Variants in ABHD4 observed in about 807,000 individuals in gnomAD.
ABHD4 encodes (Lyso)-N-acylphosphatidylethanolamine lipase.
Under a neutral mutation model 42.3 loss-of-function variants are expected in ABHD4, and 35 were observed. The observed-to-expected ratio is 0.83, with a 90% confidence interval of 0.63 to 1.10. ABHD4 has a LOEUF of 1.10. Ranked by LOEUF, ABHD4 falls within the 50% of genes least tolerant of loss-of-function variation. The pLI is 0.00. For missense variants in ABHD4, 389 were observed against 454.8 expected, an observed-to-expected ratio of 0.86 and a Z score of 1.32; for synonymous variants, 169 against 170.6, an observed-to-expected ratio of 0.99 and a Z score of 0.07.
At position 22,598,326 on chromosome 14, in the gene ABHD4, A is replaced by T; in HGVS notation, c.20A>T (p.Gln7Leu). MADDLEQQSQGWLSSWL... is the reference protein window; with the variant it reads MADDLELQSQGWLSSWL... ...TTTACTATGGCCGATGATCTGGAGC[A>T]GCAGTGAGTTAATCCTGTCCCTTTC... The change falls in exon 1 of 7, where the codon CAG becomes CTG. Residue 7 changes from glutamine (Q) to leucine (L), a missense_variant. Transcript: ENST00000428304. The T allele has an allele frequency of 6.4e-7, 1 of 1,551,756 alleles. No homozygotes were observed. Among genetic ancestry groups the T allele is most frequent in the Non-Finnish European group, 8.7e-7 (1 of 1,146,984 alleles).
At chr14:22,601,855 T>G in intron 2 of ABHD4, 100 bp downstream of exon 2, 1 of 1,016,758 alleles carries the variant, frequency 9.8e-7, no homozygotes, top group Non-Finnish European at 1.5e-6. Flanking sequence ...GATTCCTAAT[T>G]AACAGTGTGT....
intron 6 of ABHD4, among the ~76,000 whole-genome samples, chr14:22,610,510 C>T (rs1159671279): frequency 1.3e-5 from 2 of 152,204 alleles, no homozygotes; most frequent in African/African-American, 2.4e-5. Flanking sequence ...ACCACACCTC[C>T]TCCCCTTTTT....
Position 22,603,997 on chromosome 14 carries a change from A to T in ABHD4, c.558A>T (p.Ala186=). The change falls in exon 4 of 7, where the codon GCA becomes GCT. Residue 186 remains alanine, a synonymous_variant. Coordinates refer to ENST00000428304, the MANE Select transcript of ABHD4 (RefSeq NM_022060.3). The part of the protein sequence containing the change: ...LRPTNPSEIR[A]PPAWVKAVAS... The stretch of plus-strand genomic sequence containing the variant: ...CAACTAACCCCAGTGAGATCCGTGC[A>T]CCCCCAGCCTGGGTCAAAGCCGTGG... 6.2e-7 allele frequency: 1 copy of T among 1,614,050 alleles called. No homozygotes were observed. Among genetic ancestry groups the T allele is most frequent in the South Asian group, 1.1e-5 (1 of 91,082 alleles).
chr14:22,610,954 T>C lies in ABHD4; in HGVS notation c.*6T>C. ...TCTGCGACTCAGTTGATTGAGCTGC[T>C]CTCTGAAGAGGAAGAGGAGAAAGCC... On this transcript the variant is annotated 3_prime_UTR_variant, in exon 7 of 7. Coordinates refer to ENST00000428304, the MANE Select transcript of ABHD4 (RefSeq NM_022060.3). 1 of 1,613,200 alleles carries C rather than the reference T, an allele frequency of 6.2e-7. No homozygotes were observed. Among genetic ancestry groups the C allele is most frequent in the Non-Finnish European group, 8.5e-7 (1 of 1,179,272 alleles).
chr14:22,608,000 T>C (rs1242927), intron 5 of ABHD4, among the ~76,000 whole-genome samples: 63,396 of 151,998 alleles, frequency 0.42, 13,552 homozygotes, highest in African/African-American at 0.5. Context: ...ATCTACTTCA[T>C]CTCACCTAAA....
At chr14:22,607,844 C>T (rs1444184774) in intron 5 of ABHD4, among the ~76,000 whole-genome samples, 1 of 152,206 alleles carries the variant, frequency 6.6e-6, no homozygotes, top group African/African-American at 2.4e-5. Context: ...AAGGTGACAT[C>T]AGTGACAACC....
At position 22,606,665 on chromosome 14, in the gene ABHD4, A is replaced by G; in HGVS notation, c.752+132A>G. 4.8e-6 allele frequency: 3 copies of G among 630,870 alleles called. No individual in the cohort carries two copies. In the South Asian group the frequency reaches 5.7e-5, roughly 12 times the overall value. 39.1% of individuals were successfully genotyped at this position (630,870 alleles called of 1,614,324 possible). ...CAGTTAGGTAAACACAGGCACTAGC[A>G]AGCCTGATCATTTCCAGAGAGTTCC... On this transcript the variant is annotated intron_variant, in intron 5 of 6. Coordinates refer to ENST00000428304, the MANE Select transcript of ABHD4 (RefSeq NM_022060.3).
intron 1 of ABHD4, chr14:22,600,000 C>A: frequency 3.3e-6 from 1 of 301,980 alleles, no homozygotes; most frequent in South Asian, 2.6e-5. Flanking sequence ...GGAATGTAGA[C>A]AACTTATGAT....
rs140762345 is a variant in ABHD4 at position 22,610,052 on chromosome 14, C to T, written c.939+142C>T. Reference sequence around the variant, plus strand: ...TAGATTTGAGAAGTTTGGAAACTCTCTTTGGAATATCTTTTTTTTTTCGTG... The same window carrying T: ...TAGATTTGAGAAGTTTGGAAACTCTTTTTGGAATATCTTTTTTTTTTCGTG... On this transcript the variant is annotated intron_variant, in intron 6 of 6. Transcript: ENST00000428304. 5,859 of 743,796 alleles carry T rather than the reference C, an allele frequency of 7.9e-3. 54 individuals carry two copies. Among genetic ancestry groups the T allele is most frequent in the South Asian group, 0.025 (1,080 of 43,534 alleles). The allele number at this position is 743,796 out of a possible 1,614,324, so 46.1% of individuals were successfully genotyped here. A position where few individuals can be genotyped will look rare whatever the true frequency, so the allele number is the denominator to read the frequency against.
intron 1 of ABHD4, chr14:22,598,707 C>T: frequency 2.6e-6 from 1 of 390,862 alleles, no homozygotes; most frequent in South Asian, 2.1e-5. Flanking sequence ...TCGACTTGCC[C>T]CCCAGAACGG....
At position 22,601,609 on chromosome 14, in the gene ABHD4, A is replaced by C. The variant is rs1033576152; in HGVS notation, c.24-58A>C. ...TCTTTTGTAACTCTCAGCAAGGCTAAGAGCATCAATGTTTCTTTCCAATGT... is the reference window on the plus strand; with the variant it reads ...TCTTTTGTAACTCTCAGCAAGGCTACGAGCATCAATGTTTCTTTCCAATGT... On this transcript the variant is annotated intron_variant, in intron 1 of 6. Transcript: ENST00000428304. 5.3e-6 allele frequency: 8 copies of C among 1,502,942 alleles called. No homozygotes were observed. The African/African-American group carries it at 8.2e-5, about 15-fold the overall frequency. The allele number at this position is 1,502,942 out of a possible 1,614,324, so 93.1% of individuals were successfully genotyped here.
intron 1 of ABHD4, among the ~76,000 whole-genome samples, chr14:22,600,669 G>A (rs1364303112): frequency 1.3e-5 from 2 of 152,160 alleles, no homozygotes; most frequent in East Asian, 3.8e-4. Context: ...ATCATATGGG[G>A]TTAACAAGGA....
At position 22,609,781 on chromosome 14, in the gene ABHD4, G is replaced by A; in HGVS notation, c.810G>A (p.Met270Ile). The A allele has an allele frequency of 6.2e-7, 1 of 1,614,186 alleles. No individual in the cohort carries two copies. Residue 270 changes from methionine to isoleucine, a missense_variant, in exon 6 of 7, where the codon ATG (methionine) becomes ATA (isoleucine). Physicochemically the swap from Met to Ile is conservative, Grantham distance 10. This residue lies in a region of ABHD4 where 249 missense variants were observed against 254.4 expected (regional missense o/e 0.98). Coordinates refer to ENST00000428304, the MANE Select transcript of ABHD4 (RefSeq NM_022060.3). ...MESFGWARRPMLERIHLIRKD... is the reference protein window; with the variant it reads ...MESFGWARRPILERIHLIRKD... ...CCTTTGGCTGGGCCCGGCGCCCTAT[G>A]CTGGAGCGAATTCACTTGATTCGAA...
At chr14:22,603,783 T>C in intron 3 of ABHD4, 21 bp downstream of exon 3, 1 of 1,564,180 alleles carries the variant, frequency 6.4e-7, no homozygotes, top group South Asian at 1.2e-5. Flanking sequence ...GATGGCTCCA[T>C]CCCTCGTGAC....
At chr14:22,601,855 T>A in intron 2 of ABHD4, 100 bp downstream of exon 2, 1 of 1,016,756 alleles carries the variant, frequency 9.8e-7, no homozygotes, top group South Asian at 1.4e-5. Context: ...GATTCCTAAT[T>A]AACAGTGTGT....
rs754568082 is a variant in ABHD4 at position 22,603,980 on chromosome 14, C to T, written c.541C>T (p.Pro181Ser). Residue 181 changes from proline to serine, a missense_variant, in exon 4 of 7, where the codon CCC (proline) becomes TCC (serine). Physicochemically the swap from Pro to Ser is moderately conservative, Grantham distance 74. Around this residue, in one of 3 missense-constraint regions of ABHD4, gnomAD observed 249 missense variants for 254.4 expected, o/e 0.98. Transcript: ENST00000428304. The part of the protein sequence containing the change: ...PWGFPLRPTN[P>S]SEIRAPPAWV... The stretch of plus-strand genomic sequence containing the variant: ...GGGCTTTCCCCTCCGACCAACTAAC[C>T]CCAGTGAGATCCGTGCACCCCCAGC... 1 of 1,614,224 alleles carries T rather than the reference C, an allele frequency of 6.2e-7. No individual in the cohort carries two copies. The highest frequency in any genetic ancestry group is 8.5e-7 in the Non-Finnish European group (1 of 1,180,040).
At chr14:22,600,296 A>G (rs2037267032) in intron 1 of ABHD4, 3 of 424,026 alleles carry the variant, frequency 7.1e-6, no homozygotes, top group Admixed American at 5.1e-5. Context: ...TGTTCTGTGA[A>G]TATTTGTACA....
chr14:22,600,292 G>A (rs2037266948), intron 1 of ABHD4: 3 of 428,246 alleles, frequency 7.0e-6, no homozygotes, highest in Middle Eastern at 3.4e-4. Context: ...GTTATGTTCT[G>A]TGAATATTTG....
rs756022646 is a variant in ABHD4 at position 22,603,657 on chromosome 14, C to T, written c.380C>T (p.Ser127Leu). 5.6e-6 allele frequency: 9 copies of T among 1,614,016 alleles called. No homozygotes were observed. The highest frequency in any genetic ancestry group is 3.3e-5 in the Admixed American group (2 of 60,002). ...PEGAEDEFVT[S>L]IETWRETMGI... ...GGGGCTGAGGATGAGTTTGTGACAT[C>T]GATAGAGACATGGCGGGAGACCATG... The change falls in exon 3 of 7, where the codon TCG (serine) becomes TTG (leucine). Residue 127 changes from serine (S) to leucine (L), a missense_variant. Ser to Leu is a moderately radical substitution (Grantham distance 145). Transcript: ENST00000428304.
Sources: gnomAD v4.1 joint callset for allele counts (sites outside exome capture counted in the v4.1 genomes callset) on GRCh38, gnomAD v4.1.1 for gene constraint, gnomAD v4.1.1 regional missense constraint, MANE v1.5 for transcripts, NCBI Gene and HGNC (gene_info 2026-07-23, HGNC 2026-07-21) for gene names.